SLC28A1: variants seen among roughly 807,000 people sequenced by gnomAD.
The protein encoded by SLC28A1 is solute carrier family 28 member 1.
Under a neutral mutation model 74.8 loss-of-function variants are expected in SLC28A1, and 64 were observed. The observed-to-expected ratio is 0.86, with a 90% confidence interval of 0.70 to 1.05. The LOEUF is 1.05. Ranked by LOEUF, SLC28A1 falls within the 50% of genes least tolerant of loss-of-function variation. The probability of loss-of-function intolerance (pLI) is 0.00; values close to 1 mark genes in which losing one functional copy is unlikely to be tolerated. For missense variants in SLC28A1, 828 were observed against 822.8 expected (o/e 1.01, Z -0.08); for synonymous variants, 359 against 335.0 (o/e 1.07, Z -0.78).
intron 2 of SLC28A1, chr15:84,887,418 G>A (rs898727025): frequency 5.8e-5 from 57 of 983,868 alleles, no homozygotes; most frequent in South Asian, 2.4e-4. Flanking sequence ...GGGTGGTGGC[G>A]CACGCCTGTA....
chr15:84,932,062 A>G (rs1379238219), intron 12 of SLC28A1, among the ~76,000 whole-genome samples: 3 of 152,050 alleles, frequency 2.0e-5, no homozygotes, highest in Admixed American at 1.3e-4. Flanking sequence ...GGGACAGTCA[A>G]TTCATTGCCA....
intron 3 of SLC28A1, 139 bp downstream of exon 3, chr15:84,887,995 C>A: frequency 1.5e-6 from 1 of 683,920 alleles, no homozygotes; most frequent in South Asian, 1.6e-5. Flanking sequence ...TTTGCTGGCA[C>A]AGTTATGAAC....
chr15:84,917,467 C>A, intron 9 of SLC28A1, among the ~76,000 whole-genome samples: 1 of 151,788 alleles, frequency 6.6e-6, no homozygotes, highest in Non-Finnish European at 1.5e-5. Flanking sequence ...AGGTAGGGGA[C>A]CTTACGATGT....
At position 84,944,614 on chromosome 15, in the gene SLC28A1, G is replaced by A. The variant is rs764972895; in HGVS notation, c.1712G>A (p.Arg571Gln). Residue 571 changes from arginine to glutamine, a missense_variant, in exon 17 of 19, where the codon CGG becomes CAG. This residue lies in a region of SLC28A1 where 767 missense variants were observed against 753.5 expected (regional missense o/e 1.02). Coordinates refer to ENST00000394573, the MANE Select transcript of SLC28A1 (RefSeq NM_004213.5). ...RKSDFSQIVL[R>Q]ALFTGACVSL... is the part of the protein sequence containing the mutation. ...AGCGACTTCTCCCAGATAGTGCTCC[G>A]GGCGCTCTTCACGGGAGCCTGTGTG... 10 of 1,613,926 alleles carry A rather than the reference G, an allele frequency of 6.2e-6. No homozygotes were observed. The highest frequency in any genetic ancestry group is 3.3e-5 in the South Asian group (3 of 91,088).
At chr15:84,973,416 C>T in the SLC28A1 span, among the ~76,000 whole-genome samples, 1 of 152,222 alleles carries the variant, frequency 6.6e-6, no homozygotes, top group East Asian at 1.9e-4. Context: ...GACATCAACA[C>T]CCATTAACTC....
intron 4 of SLC28A1, among the ~76,000 whole-genome samples, chr15:84,889,134 C>T (rs1964972874): frequency 6.6e-6 from 1 of 152,182 alleles, no homozygotes; most frequent in South Asian, 2.1e-4. Flanking sequence ...GCCAGGCCTC[C>T]CTCTCAACCT....
the SLC28A1 span, among the ~76,000 whole-genome samples, chr15:84,955,687 GGGA>G: frequency 1.3e-5 from 2 of 152,172 alleles, no homozygotes; most frequent in Non-Finnish European, 2.9e-5. Context: ...GGCTGCTGCT[GGGA>G]GCCTCTCCCT....
At chr15:84,889,644 TTTTCC>T (rs964456250) in intron 4 of SLC28A1, among the ~76,000 whole-genome samples, 36 of 151,868 alleles carry the variant, frequency 2.4e-4, no homozygotes, top group East Asian at 5.8e-4. Flanking sequence ...TTTTCTTTTC[TTTTCC>T]TTTTTCTTTT....
intron 9 of SLC28A1, among the ~76,000 whole-genome samples, chr15:84,917,868 G>A (rs1199542040): frequency 6.6e-6 from 1 of 152,160 alleles, no homozygotes; most frequent in Non-Finnish European, 1.5e-5. Flanking sequence ...CATGGGCCTG[G>A]AAAAGAGGGA....
chr15:84,955,234 C>G, the SLC28A1 span, among the ~76,000 whole-genome samples: 9 of 152,282 alleles, frequency 5.9e-5, no homozygotes, highest in Non-Finnish European at 1.3e-4. Context: ...GGAACTGAGA[C>G]AAGCCATCCC....
chr15:84,934,247 A>G (rs1328800880), intron 13 of SLC28A1, among the ~76,000 whole-genome samples: 1 of 152,182 alleles, frequency 6.6e-6, no homozygotes, highest in African/African-American at 2.4e-5. Context: ...GAAACAATGG[A>G]CCAGGCAAGG....
downstream of SLC28A1, among the ~76,000 whole-genome samples, chr15:84,946,108 ATATATTTTTT>A (rs1320269291): frequency 0.013 from 144 of 11,106 alleles, 1 homozygote; most frequent in African/African-American, 0.038. Context: ...ATATATATAT[ATATATTTTTT>A]TTTTTTTTTT....
At chr15:84,944,174 A>G (rs1189151304) in intron 16 of SLC28A1, among the ~76,000 whole-genome samples, 1 of 152,244 alleles carries the variant, frequency 6.6e-6, no homozygotes, top group Non-Finnish European at 1.5e-5. Context: ...TAACATTTCC[A>G]GTCCTGGCAG....
intron 7 of SLC28A1, 74 bp downstream of exon 7, chr15:84,904,312 C>G (rs1966857627): frequency 1.2e-6 from 2 of 1,602,286 alleles, no homozygotes; most frequent in Non-Finnish European, 1.7e-6. Flanking sequence ...GATCTGGGAG[C>G]TGGGGTATAG....
At chr15:84,906,520 G>GTTTCTTTC (rs1399584550) in intron 8 of SLC28A1, among the ~76,000 whole-genome samples, 49 of 54,184 alleles carry the variant, frequency 9.0e-4, no homozygotes, top group South Asian at 1.8e-3. Context: ...TTGTTTGTTT[G>GTTTCTTTC]TTTGTTTGTT....
Position 84,944,843 on chromosome 15 carries a change from A to G in SLC28A1, c.1850A>G (p.Gln617Arg). The change falls in exon 18 of 19, where the codon CAG (glutamine) becomes CGG (arginine). Residue 617 changes from glutamine to arginine, a missense_variant. Physicochemically the swap from Gln to Arg is conservative, Grantham distance 43. Around this residue, in one of 3 missense-constraint regions of SLC28A1, gnomAD observed 53 missense variants for 44.5 expected, o/e 1.19. Transcript: ENST00000394573. Reference sequence around the variant, plus strand: ...AGCAGCAGTAGCTTTGAGATTTACCAGTGCTGCCGTGAGGCCTTCCAGAGG... The same window carrying G: ...AGCAGCAGTAGCTTTGAGATTTACCGGTGCTGCCGTGAGGCCTTCCAGAGG... ...TLSSSSFEIY[Q>R]CCREAFQSVN... is the part of the protein sequence containing the mutation. 2 of 1,613,636 alleles carry G rather than the reference A, an allele frequency of 1.2e-6. No individual in the cohort carries two copies. The highest frequency in any genetic ancestry group is 1.7e-6 in the Non-Finnish European group (2 of 1,179,612).
At chr15:84,887,970 C>T in intron 3 of SLC28A1, 114 bp downstream of exon 3, 2 of 773,170 alleles carry the variant, frequency 2.6e-6, no homozygotes. Flanking sequence ...CATTCTTCTG[C>T]CCCCTTCTCA....
chr15:84,936,600 CTCTT>C (rs1294467751), intron 15 of SLC28A1, among the ~76,000 whole-genome samples: 2 of 152,144 alleles, frequency 1.3e-5, no homozygotes, highest in Non-Finnish European at 2.9e-5. Context: ...CAGGGGTTGG[CTCTT>C]TCTGTTAAAA....
At chr15:84,926,802 A>AGGGGGGGGGGGGGGGGGGGGG (rs544419272) in intron 12 of SLC28A1, among the ~76,000 whole-genome samples, 2 of 108,102 alleles carry the variant, frequency 1.9e-5, no homozygotes, top group Non-Finnish European at 3.6e-5. Flanking sequence ...GGGTGGGGGG[A>AGGGGGGGGGGGGGGGGGGGGG]GGGGGGGGGT....
Sources: allele counts gnomAD v4.1 joint callset (sites outside exome capture counted in the v4.1 genomes callset), GRCh38; gene constraint gnomAD v4.1.1; regional missense constraint gnomAD v4.1.1; transcripts MANE v1.5; gene names NCBI Gene and HGNC (gene_info 2026-07-23, HGNC 2026-07-21).